Variants in ARHGAP15 observed in about 807,000 individuals in gnomAD.
ARHGAP15 encodes rho GTPase-activating protein 15.
ARHGAP15 carries 51 observed loss-of-function variants against 63.7 expected under a neutral mutation model. The observed-to-expected ratio is 0.80, with a 90% CI of 0.64 to 1.01. ARHGAP15 has a LOEUF of 1.01. ARHGAP15 is among the 50% of genes least tolerant of loss of function. ARHGAP15 has a pLI of 0.00. For missense variants in ARHGAP15, 560 were observed against 564.6 expected, an observed-to-expected ratio of 0.99 and a Z score of 0.08; for synonymous variants, 191 against 193.8, an observed-to-expected ratio of 0.99 and a Z score of 0.12.
rs1242702352 is a variant in ARHGAP15 at position 143,284,115 on chromosome 2, G to T, written c.474+33515G>T. Among the ~76,000 whole-genome samples, 5 of 152,122 alleles carry T rather than the reference G, an allele frequency of 3.3e-5. No homozygotes were observed. The East Asian group carries it at 7.7e-4, about 24-fold the overall frequency. On this transcript the variant is annotated intron_variant, in intron 6 of 13. Transcript: ENST00000295095. ...TTTTCAAGAATAGAAACCTGTTTCC[G>T]AATATTTATTTGGAAATAAATATTA...
intron 11 of ARHGAP15, among the ~76,000 whole-genome samples, chr2:143,603,792 A>G (rs958548692): frequency 2.6e-5 from 4 of 152,192 alleles, no homozygotes; most frequent in Non-Finnish European, 4.4e-5. Context: ...AAGATTTATC[A>G]TGTTCTCAGT....
chr2:143,292,937 C>A (rs1217932426), intron 6 of ARHGAP15, among the ~76,000 whole-genome samples: 13 of 152,076 alleles, frequency 8.5e-5, no homozygotes, highest in Admixed American at 6.6e-4. Context: ...AGTTCCAATC[C>A]AACAGTACCA....
chr2:143,158,552 G>C (rs967799322), intron 2 of ARHGAP15, among the ~76,000 whole-genome samples: 4 of 151,898 alleles, frequency 2.6e-5, no homozygotes, highest in African/African-American at 9.7e-5. Context: ...TAAAATCAAT[G>C]CCTTTTCAAA....
chr2:143,390,031 A>G (rs1414682338), intron 6 of ARHGAP15, among the ~76,000 whole-genome samples: 1 of 151,498 alleles, frequency 6.6e-6, no homozygotes, highest in African/African-American at 2.4e-5. Flanking sequence ...AAAAGCAGTA[A>G]GGTATCCTTG....
chr2:143,719,881 T>C (rs1684972089), intron 13 of ARHGAP15, among the ~76,000 whole-genome samples: 1 of 152,188 alleles, frequency 6.6e-6, no homozygotes, highest in Non-Finnish European at 1.5e-5. Flanking sequence ...AAATGTACCC[T>C]TCATCTTGGC....
intron 10 of ARHGAP15, among the ~76,000 whole-genome samples, chr2:143,552,023 A>G (rs1695588629): frequency 6.6e-6 from 1 of 152,210 alleles, no homozygotes; most frequent in Non-Finnish European, 1.5e-5. Flanking sequence ...CGTTGAGGAC[A>G]ACCTGAGTGT....
In ARHGAP15 at chr2:143,767,370, G is replaced by C. The variant is rs139483639; in HGVS notation, c.1245-619G>C. On this transcript the variant is annotated intron_variant, in intron 13 of 13. Transcript: ENST00000295095. ...CAAATACATATTTGATTCCAATGGG[G>C]CTCTTTTCCTGTGCAAATGCTACAG... 1.3e-3 allele frequency among the ~76,000 whole-genome samples: 198 copies of C among 152,210 alleles called. 3 individuals are homozygous for C. Among genetic ancestry groups the C allele is most frequent in the East Asian group, 5.0e-3 (26 of 5,180 alleles).
chr2:143,224,213 A>G (rs567669325), intron 4 of ARHGAP15, among the ~76,000 whole-genome samples: 1 of 152,346 alleles, frequency 6.6e-6, no homozygotes, highest in Non-Finnish European at 1.5e-5. Context: ...AAAATATCCT[A>G]TATCAGAAGT....
intron 13 of ARHGAP15, among the ~76,000 whole-genome samples, chr2:143,750,880 G>A (rs574971190): frequency 3.9e-5 from 6 of 152,286 alleles, no homozygotes; most frequent in Non-Finnish European, 7.3e-5. Flanking sequence ...CAGATATAGC[G>A]TGATGATTTT....
At chr2:143,619,364 TTGTG>T (rs559472362) in intron 11 of ARHGAP15, among the ~76,000 whole-genome samples, 1 of 151,746 alleles carries the variant, frequency 6.6e-6, no homozygotes, top group Non-Finnish European at 1.5e-5. Context: ...AACATTTAGG[TTGTG>T]TGTGTGTGTA....
At chr2:143,763,337 A>G (rs1477612704) in intron 13 of ARHGAP15, among the ~76,000 whole-genome samples, 1 of 152,156 alleles carries the variant, frequency 6.6e-6, no homozygotes, top group Non-Finnish European at 1.5e-5. Flanking sequence ...TTCCATTTGA[A>G]TCATGACATT....
chr2:143,749,355 G>C (rs1399429581), intron 13 of ARHGAP15, among the ~76,000 whole-genome samples: 1 of 152,152 alleles, frequency 6.6e-6, no homozygotes, highest in African/African-American at 2.4e-5. Flanking sequence ...AGAGAAATAT[G>C]AATGGCCTGG....
chr2:143,358,855 A>T (rs115711810), intron 6 of ARHGAP15, among the ~76,000 whole-genome samples: 1,792 of 152,034 alleles, frequency 0.012, 20 homozygotes, highest in Non-Finnish European at 0.016. Flanking sequence ...ACAAAATAAA[A>T]ATATTGAGTG....
intron 12 of ARHGAP15, among the ~76,000 whole-genome samples, chr2:143,690,910 A>G (rs750986476): frequency 3.9e-5 from 6 of 152,200 alleles, no homozygotes; most frequent in Non-Finnish European, 8.8e-5. Context: ...GACATTAATT[A>G]AAAGAAGCAG....
intron 2 of ARHGAP15, among the ~76,000 whole-genome samples, chr2:143,183,676 T>C (rs1336429206): frequency 6.6e-6 from 1 of 151,904 alleles, no homozygotes; most frequent in Non-Finnish European, 1.5e-5. Context: ...TTTAAAAATC[T>C]CTAAATACCC....
chr2:143,707,313 G>T (rs1231464814), intron 13 of ARHGAP15, among the ~76,000 whole-genome samples: 2 of 152,178 alleles, frequency 1.3e-5, no homozygotes, highest in African/African-American at 4.8e-5. Flanking sequence ...TATCCAGTCA[G>T]CCATAGAGAT....
At chr2:143,177,227 T>G (rs761618288) in intron 2 of ARHGAP15, among the ~76,000 whole-genome samples, 6 of 152,234 alleles carry the variant, frequency 3.9e-5, no homozygotes, top group Admixed American at 2.6e-4. Flanking sequence ...TTTTCCTCTG[T>G]TAAGACAGTC....
intron 11 of ARHGAP15, among the ~76,000 whole-genome samples, chr2:143,593,978 A>G (rs1415939631): frequency 6.6e-6 from 1 of 152,216 alleles, no homozygotes; most frequent in African/African-American, 2.4e-5. Flanking sequence ...GGAAACTGAT[A>G]TATTATTTAA....
At chr2:143,444,084 C>T (rs1690021479) in intron 8 of ARHGAP15, among the ~76,000 whole-genome samples, 1 of 152,174 alleles carries the variant, frequency 6.6e-6, no homozygotes, top group Non-Finnish European at 1.5e-5. Context: ...CCTCTCAGTG[C>T]TCAAGCACTA....
Sources: allele counts gnomAD v4.1 joint callset (sites outside exome capture counted in the v4.1 genomes callset), GRCh38; gene constraint gnomAD v4.1.1; transcripts MANE v1.5; gene names NCBI Gene and HGNC (gene_info 2026-07-23, HGNC 2026-07-21).